The following CXCL16 variants were observed in gnomAD, a reference collection of about 807,000 sequenced individuals.
The protein encoded by CXCL16 is C-X-C motif chemokine ligand 16, also known as C-X-C motif chemokine 16.
In CXCL16, 18 loss-of-function variants were observed where a neutral mutation model predicts 23.8. That is an observed-to-expected ratio of 0.76 (90% CI 0.52 to 1.12). The LOEUF (loss-of-function observed/expected upper bound fraction) is 1.12. Among genes scored for constraint, CXCL16 ranks in the 50% most tolerant of loss-of-function variants. The probability of loss-of-function intolerance (pLI) is 0.00; values close to 1 mark genes in which losing one functional copy is unlikely to be tolerated. For missense variants in CXCL16, 297 were observed against 315.4 expected (o/e 0.94, Z 0.44); for synonymous variants, 123 against 132.5 (o/e 0.93, Z 0.49).
chr17:4,737,721 A>T (rs559857944), intron 3 of CXCL16, among the ~76,000 whole-genome samples: 1 of 151,322 alleles, frequency 6.6e-6, no homozygotes, highest in African/African-American at 2.4e-5. Context: ...GTTTATGTAA[A>T]TATGTAAAAT....
rs771567992 is a variant in CXCL16, at chr17:4,739,313, G to A, written c.27C>T (p.Ser9=). 1 of 1,612,560 alleles carries A rather than the reference G, an allele frequency of 6.2e-7. No homozygotes were observed. The highest frequency in any genetic ancestry group is 1.1e-5 in the South Asian group (1 of 90,794). ...GCAGAAGCAGGAGCAGGAGCACGCG[G>A]GACCCGGGCCGCAAGTCCCGTCCCA... MGRDLRPG[S]RVLLLLLLLL... The change falls in exon 1 of 6, where the codon TCC becomes TCT. Residue 9 remains serine, a synonymous_variant. Coordinates refer to ENST00000293778, the MANE Select transcript of CXCL16 (RefSeq NM_001386809.1). This position sits in a 1 kb window ranked among gnomAD's most constrained non-coding sequence, Gnocchi z 5.3.
rs890935163 is a variant in CXCL16 at position 4,739,307 on chromosome 17, C to A, written c.33G>T (p.Val11=). The A allele has an allele frequency of 1.2e-6, 2 of 1,611,926 alleles. No homozygotes were observed. The highest frequency in any genetic ancestry group is 2.7e-5 in the African/African-American group (2 of 74,914). MGRDLRPGSR[V]LLLLLLLLLV... ...GCAGGAGCAGAAGCAGGAGCAGGAG[C>A]ACGCGGGACCCGGGCCGCAAGTCCC... Residue 11 remains valine (V), a synonymous_variant, in exon 1 of 6, where the codon GTG becomes GTT. Transcript: ENST00000293778. The surrounding 1 kb of genome is among the most constrained non-coding windows in gnomAD (Gnocchi z 5.3).
chr17:4,735,284 C>T lies in CXCL16; in HGVS notation c.526G>A (p.Gly176Ser), dbSNP rs776421281. 4 of 1,614,032 alleles carry T rather than the reference C, an allele frequency of 2.5e-6. No homozygotes were observed. The African/African-American group carries it at 5.3e-5, about 22-fold the overall frequency. ...TCAGGCCCAGCTGCCAGACTGTGGC[C>T]CGCAGTGTGAATGGTGGTTTCATTG... Reference protein sequence around the residue: ...RPNETTIHTAGHSLAAGPEAG... With the variant: ...RPNETTIHTASHSLAAGPEAG... Residue 176 changes from glycine to serine, a missense_variant, in exon 4 of 6, where the codon GGC (glycine) becomes AGC (serine). Physicochemically the swap from Gly to Ser is moderately conservative, Grantham distance 56. Coordinates refer to ENST00000293778, the MANE Select transcript of CXCL16 (RefSeq NM_001386809.1).
At position 4,739,126 on chromosome 17, in the gene CXCL16, C is replaced by A; in HGVS notation, c.79+135G>T. 1 of 1,299,206 alleles carries A rather than the reference C, an allele frequency of 7.7e-7. No homozygotes were observed. The highest frequency in any genetic ancestry group is 1.1e-6 in the Non-Finnish European group (1 of 945,140). The allele number at this position is 1,299,206 out of a possible 1,614,324, so 80.5% of individuals were successfully genotyped here. On this transcript the variant is annotated intron_variant, in intron 1 of 5. Transcript: ENST00000293778. The surrounding 1 kb of genome is among the most constrained non-coding windows in gnomAD (Gnocchi z 5.3). Reference sequence around the variant, plus strand: ...CGTCCCCGGGCCTCTGTCCCCAACCCCAGGCGGCTGGCTGGCTTTCCTCTT... The same window carrying A: ...CGTCCCCGGGCCTCTGTCCCCAACCACAGGCGGCTGGCTGGCTTTCCTCTT...
At position 4,739,155 on chromosome 17, in the gene CXCL16, C is replaced by A; in HGVS notation, c.79+106G>T. 7.0e-7 allele frequency: 1 copy of A among 1,420,486 alleles called. No individual in the cohort carries two copies. Among genetic ancestry groups the A allele is most frequent in the Non-Finnish European group, 9.6e-7 (1 of 1,046,098 alleles). 88.0% of individuals were successfully genotyped at this position (1,420,486 alleles called of 1,614,324 possible). ...GCGGCTGGCTGGCTTTCCTCTTGTC[C>A]CCGCTGCCTTCATCCACTCAACTCC... On this transcript the variant is annotated intron_variant, in intron 1 of 5. Transcript: ENST00000293778. The surrounding 1 kb of genome is among the most constrained non-coding windows in gnomAD (Gnocchi z 5.3).
At position 4,734,608 on chromosome 17, in the gene CXCL16, AG is replaced by A; in HGVS notation, c.762del (p.Ter255GlufsTer22). The A allele has an allele frequency of 6.2e-7, 1 of 1,610,110 alleles. No individual in the cohort carries two copies. Among genetic ancestry groups the A allele is most frequent in the Non-Finnish European group, 8.5e-7 (1 of 1,176,372 alleles). ...CCTCACAAGCTTCCATTCTTGGCTC[AG>A]GTATTAGAGTCAGGTGCCACAGGTA... is the stretch of plus-strand genomic sequence containing the variant. Reference protein sequence around the residue: ...HYIPVAPDSNT With the variant: ...HYIPVAPDSNX On this transcript the variant is annotated frameshift_variant, in exon 5 of 6. Coordinates refer to ENST00000293778, the MANE Select transcript of CXCL16 (RefSeq NM_001386809.1). LOFTEE classifies it high-confidence loss of function.
In CXCL16 at chr17:4,739,092, G is replaced by A; in HGVS notation, c.79+169C>T. ...CCCGACAACATCCATAATCCCGCCC[G>A]GAGCCAGGCGTCCCCGGGCCTCTGT... On this transcript the variant is annotated intron_variant, in intron 1 of 5. Coordinates refer to ENST00000293778, the MANE Select transcript of CXCL16 (RefSeq NM_001386809.1). This position sits in a 1 kb window ranked among gnomAD's most constrained non-coding sequence, Gnocchi z 5.3. 4 of 1,190,574 alleles carry A rather than the reference G, an allele frequency of 3.4e-6. No homozygotes were observed. The highest frequency in any genetic ancestry group is 2.7e-5 in the Admixed American group (1 of 37,288). The allele number at this position is 1,190,574 out of a possible 1,614,324, so 73.8% of individuals were successfully genotyped here. A position where few individuals can be genotyped will look rare whatever the true frequency, so the allele number is the denominator to read the frequency against.
At chr17:4,737,831 A>G (rs56183376) in intron 3 of CXCL16, among the ~76,000 whole-genome samples, 1,694 of 151,298 alleles carry the variant, frequency 0.011, 80 homozygotes, top group African/African-American at 0.037. Flanking sequence ...TCATAATAAA[A>G]TATTGGAAAA....
chr17:4,734,684 T>A, intron 4 of CXCL16, 32 bp from the exon 5 acceptor site: 1 of 1,577,084 alleles, frequency 6.3e-7, no homozygotes, highest in Non-Finnish European at 8.7e-7. Flanking sequence ...AGAGATGAGC[T>A]CTGAGATCAA....
At position 4,735,245 on chromosome 17, in the gene CXCL16, G is replaced by C; in HGVS notation, c.565C>G (p.Gln189Glu). 1 of 1,614,140 alleles carries C rather than the reference G, an allele frequency of 6.2e-7. No individual in the cohort carries two copies. Among genetic ancestry groups the C allele is most frequent in the Non-Finnish European group, 8.5e-7 (1 of 1,180,002 alleles). The change falls in exon 4 of 6, where the codon CAG (glutamine) becomes GAG (glutamate). Residue 189 changes from glutamine (Q) to glutamate (E), a missense_variant. Coordinates refer to ENST00000293778, the MANE Select transcript of CXCL16 (RefSeq NM_001386809.1). The stretch of plus-strand genomic sequence containing the variant: ...CCAGCATTTTTTTCCGGCTGCTTCT[G>C]GTTCTCCCCAGCCTCAGGCCCAGCT... ...LAAGPEAGEN[Q>E]KQPEKNAGPT... is the part of the protein sequence containing the mutation.
chr17:4,738,282 G>T lies in CXCL16; in HGVS notation c.301+126C>A. The T allele has an allele frequency of 1.4e-6, 1 of 722,756 alleles. No individual in the cohort carries two copies. The highest frequency in any genetic ancestry group is 2.4e-6 in the Non-Finnish European group (1 of 418,716). 44.8% of individuals were successfully genotyped at this position (722,756 alleles called of 1,614,324 possible). On this transcript the variant is annotated intron_variant, in intron 3 of 5. Transcript: ENST00000293778. This position sits in a 1 kb window ranked among gnomAD's most constrained non-coding sequence, Gnocchi z 4.0. ...CAGGGACTCGAGTCTAAGTACTTTG[G>T]ACAGGATCAGAAGAAGGTTCTAGGA...
At chr17:4,736,053 A>G (rs1242967300) in intron 3 of CXCL16, among the ~76,000 whole-genome samples, 1 of 150,472 alleles carries the variant, frequency 6.6e-6, no homozygotes, top group East Asian at 2.0e-4. Context: ...CTGGGCAACA[A>G]GAGCGAAACT....
At chr17:4,734,535 G>A in intron 5 of CXCL16, 48 bp downstream of exon 5, 1 of 1,249,018 alleles carries the variant, frequency 8.0e-7, no homozygotes, top group Admixed American at 1.7e-5. Context: ...TGTTGTCAGG[G>A]GTCAGTCTCC....
In CXCL16 at chr17:4,739,568, G is replaced by A; in HGVS notation, c.-229C>T. On this transcript the variant is annotated 5_prime_UTR_variant, in exon 1 of 6. Transcript: ENST00000293778. The surrounding 1 kb of genome is among the most constrained non-coding windows in gnomAD (Gnocchi z 5.3). ...CCAGCCTCTGGACGCAGGGAAAGCC[G>A]AGGAGGTGGAGCTCCCGCGCCCTGC... is the stretch of plus-strand genomic sequence containing the variant. 1.5e-6 allele frequency: 1 copy of A among 679,718 alleles called. No homozygotes were observed. Among genetic ancestry groups the A allele is most frequent in the South Asian group, 2.1e-5 (1 of 48,220 alleles). 42.1% of individuals were successfully genotyped at this position (679,718 alleles called of 1,614,324 possible).
At position 4,738,363 on chromosome 17, in the gene CXCL16, C is replaced by A; in HGVS notation, c.301+45G>T. 1 of 1,495,320 alleles carries A rather than the reference C, an allele frequency of 6.7e-7. No homozygotes were observed. The highest frequency in any genetic ancestry group is 9.3e-7 in the Non-Finnish European group (1 of 1,071,808). 92.6% of individuals were successfully genotyped at this position (1,495,320 alleles called of 1,614,324 possible). On this transcript the variant is annotated intron_variant, in intron 3 of 5. Transcript: ENST00000293778. The surrounding 1 kb of genome is among the most constrained non-coding windows in gnomAD (Gnocchi z 4.0). ...AAAGAAAACTGTCAGGTGGAAGCTG[C>A]TAAGCCCTGGAGGCAGAGCCTGAAG...
chr17:4,738,609 C>T lies in CXCL16; in HGVS notation c.219-119G>A. 2.0e-6 allele frequency: 2 copies of T among 1,003,952 alleles called. No individual in the cohort carries two copies. Among genetic ancestry groups the T allele is most frequent in the Non-Finnish European group, 3.0e-6 (2 of 672,602 alleles). 62.2% of individuals were successfully genotyped at this position (1,003,952 alleles called of 1,614,324 possible). On this transcript the variant is annotated intron_variant, in intron 2 of 5. Coordinates refer to ENST00000293778, the MANE Select transcript of CXCL16 (RefSeq NM_001386809.1). The surrounding 1 kb of genome is among the most constrained non-coding windows in gnomAD (Gnocchi z 4.0). ...AGCCCTTTCTCCTGGGACTGGGAAACTCCCCAGTAGGTGAGACGGAGTCAT... is the reference window on the plus strand; with the variant it reads ...AGCCCTTTCTCCTGGGACTGGGAAATTCCCCAGTAGGTGAGACGGAGTCAT...
At chr17:4,734,706 G>A in intron 4 of CXCL16, 54 bp from the exon 5 acceptor site, 1 of 1,452,162 alleles carries the variant, frequency 6.9e-7, no homozygotes, top group Non-Finnish European at 9.7e-7. Context: ...GACAGTGTTT[G>A]GGGGATGATA....
Position 4,739,620 on chromosome 17 carries a change from G to A in CXCL16, c.-281C>T. On this transcript the variant is annotated 5_prime_UTR_variant, in exon 1 of 6. Transcript: ENST00000293778. This position sits in a 1 kb window ranked among gnomAD's most constrained non-coding sequence, Gnocchi z 5.3. ...CCCCCGCACTGGGCCCGGCTCCGTC[G>A]AGGGAAGGCCAGGAATCTTGGAAGA... 1 of 675,076 alleles carries A rather than the reference G, an allele frequency of 1.5e-6. No individual in the cohort carries two copies. Among genetic ancestry groups the A allele is most frequent in the Non-Finnish European group, 2.3e-6 (1 of 433,250 alleles). 41.8% of individuals were successfully genotyped at this position (675,076 alleles called of 1,614,324 possible).
Position 4,738,945 on chromosome 17 carries a change from A to C in CXCL16, c.80-25T>G. On this transcript the variant is annotated intron_variant, in intron 1 of 5. Transcript: ENST00000293778. The surrounding 1 kb of genome is among the most constrained non-coding windows in gnomAD (Gnocchi z 4.0). ...CCTGCGCGGGACGGAGGTGGTCGGCACCCATTCCCAGGCCCAGGGTCCCCA... is the reference window on the plus strand; with the variant it reads ...CCTGCGCGGGACGGAGGTGGTCGGCCCCCATTCCCAGGCCCAGGGTCCCCA... 1 of 1,609,860 alleles carries C rather than the reference A, an allele frequency of 6.2e-7. No homozygotes were observed. The highest frequency in any genetic ancestry group is 8.5e-7 in the Non-Finnish European group (1 of 1,178,122).
Sources: gnomAD v4.1 joint callset for allele counts (sites outside exome capture counted in the v4.1 genomes callset) on GRCh38, gnomAD v4.1.1 for gene constraint, Gnocchi (gnomAD v3.1) non-coding constraint, MANE v1.5 for transcripts, NCBI Gene and HGNC (gene_info 2026-07-23, HGNC 2026-07-21) for gene names.